The following BTN1A1 variants were observed in gnomAD, a reference collection of about 807,000 sequenced individuals.
BTN1A1 encodes bK14H9.2 (butyrophilin, subfamily 1, member A1).
In BTN1A1, 26 loss-of-function variants were observed where a neutral mutation model predicts 33.1. The observed-to-expected ratio is 0.79, with a 90% CI of 0.58 to 1.09. The LOEUF (loss-of-function observed/expected upper bound fraction) is 1.09, where lower values mean the gene tolerates loss of function less well. BTN1A1 is among the 50% of genes least tolerant of loss of function. The pLI, the probability that BTN1A1 is intolerant of heterozygous loss-of-function variation, is 0.00. For synonymous variants in BTN1A1, 235 were observed against 256.2 expected (o/e 0.92, Z 0.79); for missense variants, 558 against 655.7 (o/e 0.85, Z 1.63).
At position 26,508,084 on chromosome 6, in the gene BTN1A1, G is replaced by A. The variant is rs748592494; in HGVS notation, c.904G>A (p.Ala302Thr). The A allele has an allele frequency of 1.2e-6, 2 of 1,611,798 alleles. No homozygotes were observed. Among genetic ancestry groups the A allele is most frequent in the African/African-American group, 1.3e-5 (1 of 74,650 alleles). ...AGAATGGAAAAAGGCTACCTTGCAT[G>A]CAGGTCAGTGGCTCTGAACTTCTCT... ...ELKWKKATLH[A>T]VDVTLDPDTA... Residue 302 changes from alanine to threonine, a missense_variant, in exon 7 of 8, where the codon GCA becomes ACA. Physicochemically the swap from Ala to Thr is moderately conservative, Grantham distance 58. Transcript: ENST00000684113.
In BTN1A1 at chr6:26,508,713, G is replaced by A. The variant is rs778400918; in HGVS notation, c.1120G>A (p.Val374Met). The A allele has an allele frequency of 2.7e-5, 44 of 1,614,040 alleles. No individual in the cohort carries two copies. Among genetic ancestry groups the A allele is most frequent in the Middle Eastern group, 3.3e-4 (2 of 6,084 alleles). ...AGACAGGACTGACTGGGCAATCGGC[G>A]TGTGTAGGGAGAATGTGATGAAGAA... ...VGDRTDWAIGVCRENVMKKGF... is the reference protein window; with the variant it reads ...VGDRTDWAIGMCRENVMKKGF... Residue 374 changes from valine to methionine, a missense_variant, in exon 8 of 8, where the codon GTG becomes ATG. Transcript: ENST00000684113.
intron 1 of BTN1A1, among the ~76,000 whole-genome samples, chr6:26,500,976 G>A (rs1355461200): frequency 6.6e-6 from 1 of 152,072 alleles, no homozygotes; most frequent in Non-Finnish European, 1.5e-5. Context: ...TCCAAGATTT[G>A]TTCATCGATA....
chr6:26,503,556 T>C (rs765406928), intron 3 of BTN1A1, among the ~76,000 whole-genome samples: 1 of 151,292 alleles, frequency 6.6e-6, no homozygotes, highest in African/African-American at 2.4e-5. Flanking sequence ...TATTAGATAC[T>C]ATACTGTGCC....
chr6:26,506,805 G>A lies in BTN1A1; in HGVS notation c.832G>A (p.Glu278Lys), dbSNP rs1763876783. The A allele has an allele frequency of 1.2e-6, 2 of 1,614,192 alleles. No individual in the cohort carries two copies. The highest frequency in any genetic ancestry group is 1.7e-6 in the Non-Finnish European group (2 of 1,180,040). ...GAGACTATACAACGAAAGACCCAGA[G>A]AGAGGAGGAATGAATTCAGCTCTAA... is the stretch of plus-strand genomic sequence containing the variant. ...TWRLYNERPR[E>K]RRNEFSSKER... Residue 278 changes from glutamate to lysine, a missense_variant, in exon 5 of 8, where the codon GAG (glutamate) becomes AAG (lysine). Physicochemically the swap from Glu to Lys is moderately conservative, Grantham distance 56 (BLOSUM62 1). Transcript: ENST00000684113.
intron 4 of BTN1A1, 33 bp from the exon 5 acceptor site, chr6:26,506,650 C>T: frequency 6.2e-7 from 1 of 1,609,874 alleles, no homozygotes; most frequent in Non-Finnish European, 8.5e-7. Flanking sequence ...CAGAATTTCT[C>T]AACTAATGTC....
intron 1 of BTN1A1, among the ~76,000 whole-genome samples, chr6:26,500,825 C>A (rs1763788980): frequency 6.6e-6 from 1 of 152,044 alleles, no homozygotes; most frequent in Non-Finnish European, 1.5e-5. Context: ...TGAGGCAGAA[C>A]AATCGCTTGA....
intron 5 of BTN1A1, among the ~76,000 whole-genome samples, 153 bp downstream of exon 5, chr6:26,506,985 C>T (rs572161965): frequency 1.3e-5 from 2 of 152,276 alleles, no homozygotes; most frequent in Admixed American, 1.3e-4. Context: ...GTTTGGGAAG[C>T]CGAGGTAGGT....
At chr6:26,507,491 C>T (rs1033325561) in intron 5 of BTN1A1, among the ~76,000 whole-genome samples, 7 of 151,968 alleles carry the variant, frequency 4.6e-5, no homozygotes, top group South Asian at 4.2e-4. Context: ...TTTGGGAGGC[C>T]GAGATGGGTG....
intron 4 of BTN1A1, among the ~76,000 whole-genome samples, chr6:26,505,456 C>A (rs112262716): frequency 0.052 from 7,899 of 152,270 alleles, 607 homozygotes; most frequent in African/African-American, 0.17. Context: ...GTGTCTCACT[C>A]TGTTGCCTAG....
In BTN1A1 at chr6:26,500,363, G is replaced by A. The variant is rs1163326756; in HGVS notation, c.-58+5G>A. 6.6e-6 allele frequency among the ~76,000 whole-genome samples: 1 copy of A among 152,142 alleles called. No individual in the cohort carries two copies. Among genetic ancestry groups the A allele is most frequent in the Non-Finnish European group, 1.5e-5 (1 of 68,016 alleles). ...TTTTTCTCCAAGATCACCCAGGTCA[G>A]TATGTGTGGTTACTCTCAGCTCCCT... On this transcript the variant is annotated splice_donor_5th_base_variant and intron_variant, in intron 1 of 7. Transcript: ENST00000684113.
chr6:26,505,109 T>G lies in BTN1A1; in HGVS notation c.612T>G (p.Ala204=). The change falls in exon 4 of 8, where the codon GCT becomes GCG. Residue 204 remains alanine, a synonymous_variant. Transcript: ENST00000684113. ...PDEEGLFTVA[A]SVIIRDTSAK... Reference sequence around the variant, plus strand: ...AAGAAGGTTTGTTCACTGTGGCTGCTTCAGTGATCATCAGAGACACTTCTG... The same window carrying G: ...AAGAAGGTTTGTTCACTGTGGCTGCGTCAGTGATCATCAGAGACACTTCTG... The G allele has an allele frequency of 1.9e-6, 3 of 1,614,116 alleles. No homozygotes were observed. The highest frequency in any genetic ancestry group is 2.5e-6 in the Non-Finnish European group (3 of 1,179,930).
At chr6:26,507,846 C>T in intron 5 of BTN1A1, 104 bp from the exon 6 acceptor site, 2 of 1,172,820 alleles carry the variant, frequency 1.7e-6, no homozygotes, top group Non-Finnish European at 2.5e-6. Context: ...TTCAAATAGT[C>T]ATGAATTAAA....
intron 5 of BTN1A1, among the ~76,000 whole-genome samples, chr6:26,507,271 C>A (rs924853049): frequency 2.0e-5 from 3 of 152,050 alleles, no homozygotes; most frequent in South Asian, 2.1e-4. Context: ...TGGAGGAAAT[C>A]ATAAGGGTCC....
intron 1 of BTN1A1, among the ~76,000 whole-genome samples, chr6:26,500,912 C>G (rs1763789885): frequency 1.3e-5 from 2 of 151,850 alleles, no homozygotes; most frequent in Admixed American, 6.6e-5. Context: ...AAGACTGTCT[C>G]AAAAATAAAT....
chr6:26,507,937 G>GT lies in BTN1A1; in HGVS notation c.860-10dup. ...TATAGAAAGCCATTGAGGTATTTTT[G>GT]TTTGTTTTCCAGAGAGACTCCTGGA... On this transcript the variant is annotated splice_polypyrimidine_tract_variant and intron_variant, in intron 5 of 7. Transcript: ENST00000684113. 1 of 1,613,844 alleles carries GT rather than the reference G, an allele frequency of 6.2e-7. No individual in the cohort carries two copies. Among genetic ancestry groups the GT allele is most frequent in the Non-Finnish European group, 8.5e-7 (1 of 1,179,888 alleles).
chr6:26,509,836 A>T lies in BTN1A1; in HGVS notation c.*662A>T, dbSNP rs1044317806. On this transcript the variant is annotated 3_prime_UTR_variant, in exon 8 of 8. Transcript: ENST00000684113. The stretch of plus-strand genomic sequence containing the variant: ...AGCAGGGATGAAGGGTCAGGCAGAA[A>T]GCGTGATAGAGGAGAGAATTTTTGA... 6.6e-6 allele frequency: 1 copy of T among 152,360 alleles called. No individual in the cohort carries two copies. The highest frequency in any genetic ancestry group is 1.5e-5 in the Non-Finnish European group (1 of 68,152). The allele number at this position is 152,360 out of a possible 1,614,324, so 9.4% of individuals were successfully genotyped here. A position where few individuals can be genotyped will look rare whatever the true frequency, so the allele number is the denominator to read the frequency against.
Position 26,509,519 on chromosome 6 carries a change from G to T in BTN1A1, c.*345G>T. On this transcript the variant is annotated 3_prime_UTR_variant, in exon 8 of 8. Transcript: ENST00000684113. ...CATGGGGTTGTGGTTGAAATATCTT[G>T]GTATCCAGGATAAGGGTATGTGGAA... The T allele has an allele frequency of 5.0e-6, 1 of 201,638 alleles. No homozygotes were observed. Among genetic ancestry groups the T allele is most frequent in the Admixed American group, 5.4e-5 (1 of 18,646 alleles). 12.5% of individuals were successfully genotyped at this position (201,638 alleles called of 1,614,324 possible).
rs1763796814 is a variant in BTN1A1 at position 26,501,448 on chromosome 6, G to T, written c.79+83G>T. The T allele has an allele frequency of 1.3e-6, 2 of 1,573,006 alleles. No individual in the cohort carries two copies. Among genetic ancestry groups the T allele is most frequent in the Non-Finnish European group, 1.7e-6 (2 of 1,144,572 alleles). On this transcript the variant is annotated intron_variant, in intron 2 of 7. Transcript: ENST00000684113. This position sits in a 1 kb window ranked among gnomAD's most constrained non-coding sequence, Gnocchi z 5.2. ...AAACAATCCCACTTGGCTCTCCCTGGAGACCTCCACTGGATCCAGACAAAC... is the reference window on the plus strand; with the variant it reads ...AAACAATCCCACTTGGCTCTCCCTGTAGACCTCCACTGGATCCAGACAAAC...
chr6:26,508,272 G>A (rs767323326), intron 7 of BTN1A1, among the ~76,000 whole-genome samples, 185 bp downstream of exon 7: 1 of 152,256 alleles, frequency 6.6e-6, no homozygotes, highest in Non-Finnish European at 1.5e-5. Context: ...TGGCACTTCC[G>A]ACAGAGTCCC....
Sources: allele counts gnomAD v4.1 joint callset (sites outside exome capture counted in the v4.1 genomes callset), GRCh38; gene constraint gnomAD v4.1.1; non-coding constraint Gnocchi (gnomAD v3.1); transcripts MANE v1.5; gene names NCBI Gene and HGNC (gene_info 2026-07-23, HGNC 2026-07-21).